Variants in PHF20 observed in about 807,000 individuals in gnomAD.
PHF20 encodes the protein PHD finger protein 20.
Under a neutral mutation model 113.5 loss-of-function variants are expected in PHF20, and 23 were observed. That is an observed-to-expected ratio of 0.20 (90% CI 0.15 to 0.29). PHF20 has a LOEUF of 0.29. Among genes scored for constraint, PHF20 ranks in the 10% least tolerant of loss-of-function variants. The pLI, the probability that PHF20 is intolerant of heterozygous loss-of-function variation, is 1.00. For synonymous variants in PHF20, 434 were observed against 457.3 expected (o/e 0.95, Z 0.65); for missense variants, 943 against 1,219.6 (o/e 0.77, Z 3.38).
chr20:35,899,490 T>G lies in PHF20; in HGVS notation c.1403T>G (p.Leu468Arg). Residue 468 changes from leucine to arginine, a missense_variant, in exon 10 of 18, where the codon CTG (leucine) becomes CGG (arginine). Physicochemically the swap from Leu to Arg is moderately radical, Grantham distance 102. Transcript: ENST00000374012. ...DCLKFFRKAK[L>R]LHYHMKYFHG... ...TTAAAATTTTTCCGCAAAGCCAAAC[T>G]GTTGCACTATCACATGAAGTATTTC... 6.2e-7 allele frequency: 1 copy of G among 1,614,200 alleles called. No homozygotes were observed. The highest frequency in any genetic ancestry group is 8.5e-7 in the Non-Finnish European group (1 of 1,180,028).
chr20:35,921,986 A>G (rs988637825), intron 13 of PHF20, among the ~76,000 whole-genome samples: 4 of 152,174 alleles, frequency 2.6e-5, no homozygotes, highest in African/African-American at 9.7e-5. Flanking sequence ...TGACTTTTCT[A>G]TAAGTAGCAA....
intron 7 of PHF20, among the ~76,000 whole-genome samples, chr20:35,870,303 C>CAAA (rs1174014648): frequency 3.8e-5 from 2 of 53,194 alleles, no homozygotes; most frequent in African/African-American, 6.0e-5. Context: ...GACTCCGTCT[C>CAAA]AAAAAAAAAA....
chr20:35,778,980 A>G (rs1377195308), intron 1 of PHF20, among the ~76,000 whole-genome samples: 1 of 151,966 alleles, frequency 6.6e-6, no homozygotes, highest in Non-Finnish European at 1.5e-5. Context: ...ACTTTGGGGA[A>G]GGAGCAAGAG....
rs527820764 is a variant in PHF20, at chr20:35,939,138, T to C, written c.2712+30T>C. The C allele has an allele frequency of 5.2e-4, 801 of 1,549,258 alleles. 7 individuals carry two copies. In the South Asian group the frequency reaches 8.8e-3, roughly 17 times the overall value. ...GTGGCTGCCTTGTACTTGTTCTTCA[T>C]TCATTGCGTGAATGCTTGCAAGTTA... On this transcript the variant is annotated intron_variant, in intron 16 of 17. Transcript: ENST00000374012.
chr20:35,887,115 A>C (rs760130964), intron 9 of PHF20, among the ~76,000 whole-genome samples: 5 of 152,222 alleles, frequency 3.3e-5, no homozygotes, highest in Non-Finnish European at 7.3e-5. Flanking sequence ...TTCTAAGCCA[A>C]ATTTCAGAAA....
intron 13 of PHF20, 87 bp from the exon 14 acceptor site, chr20:35,927,693 A>G: frequency 1.0e-6 from 1 of 984,394 alleles, no homozygotes; most frequent in Non-Finnish European, 1.6e-6. Context: ...CTATCCTCCC[A>G]TGCCCCTCCC....
chr20:35,841,344 A>G (rs1450782136), intron 2 of PHF20, among the ~76,000 whole-genome samples: 1 of 151,974 alleles, frequency 6.6e-6, no homozygotes, highest in African/African-American at 2.4e-5. Context: ...CCCTGTCTCA[A>G]TCAATCAATC....
chr20:35,901,413 TAAAAAAA>T (rs34044539), intron 10 of PHF20, among the ~76,000 whole-genome samples: 2 of 103,060 alleles, frequency 1.9e-5, no homozygotes, highest in Admixed American at 1.1e-4. Context: ...AAACTCTGTC[TAAAAAAA>T]AAAAAAAAAA....
intron 2 of PHF20, among the ~76,000 whole-genome samples, chr20:35,806,222 G>A (rs998075066): frequency 2.8e-5 from 4 of 142,402 alleles, no homozygotes; most frequent in Admixed American, 1.5e-4. Context: ...GTGTAGTGGT[G>A]CAGTTACAAC....
intron 6 of PHF20, among the ~76,000 whole-genome samples, chr20:35,865,497 GTTTT>G (rs201623482): frequency 3.1e-5 from 3 of 96,598 alleles, no homozygotes; most frequent in East Asian, 3.2e-4. Context: ...TTTAAGTTGT[GTTTT>G]TTTTTTTTTT....
At chr20:35,921,905 T>A (rs1421664985) in intron 13 of PHF20, among the ~76,000 whole-genome samples, 1 of 152,158 alleles carries the variant, frequency 6.6e-6, no homozygotes, top group Non-Finnish European at 1.5e-5. Flanking sequence ...GTAATGAATG[T>A]CCCTCCTGGC....
intron 2 of PHF20, among the ~76,000 whole-genome samples, chr20:35,828,117 G>A (rs1294769533): frequency 1.3e-5 from 2 of 152,054 alleles, no homozygotes. Context: ...TCCGCCTCCT[G>A]GGTTCAAGCA....
intron 10 of PHF20, among the ~76,000 whole-genome samples, chr20:35,899,944 G>A (rs921355636): frequency 3.3e-5 from 5 of 152,200 alleles, no homozygotes; most frequent in African/African-American, 1.2e-4. Flanking sequence ...GCCAGCAGGA[G>A]AACTCGTGCT....
chr20:35,816,841 G>T (rs184101350), intron 2 of PHF20, among the ~76,000 whole-genome samples: 1 of 149,112 alleles, frequency 6.7e-6, no homozygotes, highest in Non-Finnish European at 1.5e-5. Flanking sequence ...GCCCAGGCTC[G>T]AGTGCAGTGG....
intron 3 of PHF20, among the ~76,000 whole-genome samples, chr20:35,842,952 A>G (rs973090140): frequency 1.7e-4 from 26 of 152,130 alleles, no homozygotes; most frequent in Admixed American, 4.6e-4. Flanking sequence ...TGTGTTGCCC[A>G]GGCTGGAGTG....
intron 1 of PHF20, among the ~76,000 whole-genome samples, chr20:35,776,734 A>G (rs1313916799): frequency 6.6e-6 from 1 of 152,060 alleles, no homozygotes; most frequent in Non-Finnish European, 1.5e-5. Flanking sequence ...GTCAGATCCT[A>G]TTCAGTAACG....
chr20:35,851,569 TC>T (rs888101434), intron 4 of PHF20, among the ~76,000 whole-genome samples: 5 of 146,624 alleles, frequency 3.4e-5, no homozygotes, highest in African/African-American at 5.0e-5. Context: ...GGATTGTGCT[TC>T]CCCCCCAACC....
chr20:35,904,819 CTCTT>C (rs1251296962), intron 10 of PHF20, among the ~76,000 whole-genome samples: 2 of 53,246 alleles, frequency 3.8e-5, no homozygotes, highest in South Asian at 6.8e-4. Context: ...TTCTTTCTTT[CTCTT>C]TCTTTTTTTT....
At chr20:35,859,930 G>GT (rs1194243898) in intron 5 of PHF20, among the ~76,000 whole-genome samples, 1 of 151,734 alleles carries the variant, frequency 6.6e-6, no homozygotes, top group African/African-American at 2.4e-5. Context: ...TGTAAGTTGT[G>GT]TTTTTTTTGA....
Sources: gnomAD v4.1 joint callset for allele counts (sites outside exome capture counted in the v4.1 genomes callset) on GRCh38, gnomAD v4.1.1 for gene constraint, MANE v1.5 for transcripts, NCBI Gene and HGNC (gene_info 2026-07-23, HGNC 2026-07-21) for gene names.